CD9: variants seen among roughly 807,000 people sequenced by gnomAD.
CD9 encodes CD9 antigen.
A neutral mutation model predicts 31.4 loss-of-function variants in CD9; 10 were observed. The observed-to-expected ratio is 0.32, with a 90% CI of 0.20 to 0.54. CD9 has a LOEUF of 0.54. Among genes scored for constraint, CD9 ranks in the 20% least tolerant of loss-of-function variants. The probability of loss-of-function intolerance (pLI) is 0.94; values close to 1 mark genes in which losing one functional copy is unlikely to be tolerated. For synonymous variants in CD9, 113 were observed against 114.1 expected, an observed-to-expected ratio of 0.99 and a Z score of 0.06; for missense variants, 259 against 300.1, an observed-to-expected ratio of 0.86 and a Z score of 1.01.
intron 1 of CD9, chr12:6,205,934 T>C (rs1482922374): frequency 6.6e-6 from 1 of 152,296 alleles, no homozygotes; most frequent in Non-Finnish European, 1.5e-5. Context: ...TGCATGTTTA[T>C]GTTTTGTGTT....
Position 6,200,578 on chromosome 12 carries a change from G to A in CD9, c.66+13G>A, listed in dbSNP as rs749100679. On this transcript the variant is annotated intron_variant, in intron 1 of 7. Coordinates refer to ENST00000009180, the MANE Select transcript of CD9 (RefSeq NM_001769.4). ...CTTCATCTTCTGGGTGAGTGAGCGCGACTGCCGCGCGCTCCTCTCAGGGCC... is the reference window on the plus strand; with the variant it reads ...CTTCATCTTCTGGGTGAGTGAGCGCAACTGCCGCGCGCTCCTCTCAGGGCC... 7 of 1,592,144 alleles carry A rather than the reference G, an allele frequency of 4.4e-6. No individual in the cohort carries two copies. The Admixed American group carries it at 5.0e-5, about 11-fold the overall frequency.
At chr12:6,235,449 A>C (rs1946506928) in intron 5 of CD9, 27 bp from the exon 6 acceptor site, 5 of 1,613,538 alleles carry the variant, frequency 3.1e-6, no homozygotes, top group Non-Finnish European at 4.2e-6. Context: ...TGTTTCTCTC[A>C]TCCCCATCCC....
At chr12:6,222,042 C>T (rs79676955) in intron 1 of CD9, among the ~76,000 whole-genome samples, 5,332 of 152,148 alleles carry the variant, frequency 0.035, 165 homozygotes, top group Middle Eastern at 0.082. Context: ...ACAGGGGAGC[C>T]CCTCTATGCC....
upstream of CD9, chr12:6,200,257 T>A (rs898233903): frequency 1.3e-5 from 1 of 79,740 alleles, no homozygotes; most frequent in Admixed American, 2.9e-4. Flanking sequence ...GCGGGGGGGG[T>A]GCGGCCCGGG....
chr12:6,205,448 G>A (rs1325458715), intron 1 of CD9, among the ~76,000 whole-genome samples: 4 of 152,200 alleles, frequency 2.6e-5, no homozygotes, highest in Non-Finnish European at 2.9e-5. Flanking sequence ...GAATTTGGGA[G>A]TGCTTTGATA....
chr12:6,222,363 G>A (rs1288056931), intron 1 of CD9, among the ~76,000 whole-genome samples: 1 of 152,182 alleles, frequency 6.6e-6, no homozygotes, highest in Non-Finnish European at 1.5e-5. Flanking sequence ...CTTTTCTCTG[G>A]GTTACTTGAA....
intron 1 of CD9, among the ~76,000 whole-genome samples, chr12:6,217,518 G>A (rs367644325): frequency 3.9e-5 from 6 of 152,144 alleles, no homozygotes; most frequent in Admixed American, 3.9e-4. Context: ...GTGACAGATT[G>A]AGACCTGTCT....
chr12:6,237,498 T>C (rs765426410), intron 7 of CD9, among the ~76,000 whole-genome samples: 1 of 152,238 alleles, frequency 6.6e-6, no homozygotes, highest in Non-Finnish European at 1.5e-5. Context: ...AATTTGGCTC[T>C]GAGCTTACTT....
intron 2 of CD9, among the ~76,000 whole-genome samples, chr12:6,229,811 C>A (rs1039117943): frequency 2.6e-5 from 4 of 151,762 alleles, no homozygotes; most frequent in African/African-American, 9.7e-5. Flanking sequence ...TGCTGCTACA[C>A]CAGCCTTTCT....
Position 6,208,800 on chromosome 12 carries a change from G to T in CD9, c.66+8235G>T, listed in dbSNP as rs1028097086. 9.2e-5 allele frequency among the ~76,000 whole-genome samples: 14 copies of T among 152,210 alleles called. 1 individual carries two copies. The South Asian group carries it at 1.5e-3, about 16-fold the overall frequency. ...GCCGGTCTTGAACTCCTGACCTCAG[G>T]TGATCCACCCGCCTCAGCCTCCCAA... On this transcript the variant is annotated intron_variant, in intron 1 of 7. Coordinates refer to ENST00000009180, the MANE Select transcript of CD9 (RefSeq NM_001769.4).
At chr12:6,221,597 A>G (rs1328613656) in intron 1 of CD9, among the ~76,000 whole-genome samples, 1 of 152,066 alleles carries the variant, frequency 6.6e-6, no homozygotes, top group Non-Finnish European at 1.5e-5. Flanking sequence ...GAGTCCCTGA[A>G]TAATTGACTT....
chr12:6,224,692 G>A (rs1946339582), intron 1 of CD9, among the ~76,000 whole-genome samples: 1 of 152,180 alleles, frequency 6.6e-6, no homozygotes, highest in Non-Finnish European at 1.5e-5. Context: ...GCAAGCCCTG[G>A]TACGGGTGAC....
intron 1 of CD9, among the ~76,000 whole-genome samples, chr12:6,203,779 A>T (rs1387601334): frequency 6.6e-6 from 1 of 152,204 alleles, no homozygotes; most frequent in African/African-American, 2.4e-5. Context: ...TCCAGCTGAA[A>T]TGGGGAACCA....
chr12:6,224,193 T>C (rs1946332013), intron 1 of CD9, among the ~76,000 whole-genome samples: 1 of 152,194 alleles, frequency 6.6e-6, no homozygotes, highest in Admixed American at 6.5e-5. Flanking sequence ...ACTTCTGATA[T>C]TATCTTCTTT....
intron 1 of CD9, among the ~76,000 whole-genome samples, chr12:6,221,065 T>C (rs910002029): frequency 1.3e-5 from 2 of 152,182 alleles, no homozygotes; most frequent in African/African-American, 2.4e-5. Context: ...GCTAGGCAAG[T>C]ATTTTGTAGA....
intron 1 of CD9, among the ~76,000 whole-genome samples, chr12:6,222,929 GGGTGGGGTCA>G (rs1946310771): frequency 1.3e-5 from 2 of 152,168 alleles, no homozygotes; most frequent in Admixed American, 6.5e-5. Flanking sequence ...AGCAGATAAG[GGGTGGGGTCA>G]TAACTTCACT....
At chr12:6,223,887 TTTA>T (rs1216340879) in intron 1 of CD9, among the ~76,000 whole-genome samples, 4 of 152,154 alleles carry the variant, frequency 2.6e-5, no homozygotes, top group African/African-American at 9.7e-5. Flanking sequence ...TCACTGGCCT[TTTA>T]TTAAGAAAGA....
At chr12:6,215,619 C>T (rs2136612596) in intron 1 of CD9, among the ~76,000 whole-genome samples, 1 of 152,316 alleles carries the variant, frequency 6.6e-6, no homozygotes, top group Non-Finnish European at 1.5e-5. Context: ...CAGACAGTGG[C>T]TCGGTAGAAG....
chr12:6,226,052 G>C (rs1279586985), intron 2 of CD9, among the ~76,000 whole-genome samples: 1 of 152,130 alleles, frequency 6.6e-6, no homozygotes, highest in African/African-American at 2.4e-5. Flanking sequence ...CCAGTCCTTT[G>C]GACCCCTGGT....
Sources: allele counts gnomAD v4.1 joint callset (sites outside exome capture counted in the v4.1 genomes callset), GRCh38; gene constraint gnomAD v4.1.1; transcripts MANE v1.5; gene names NCBI Gene and HGNC (gene_info 2026-07-23, HGNC 2026-07-21).